The following INTS9 variants were observed in gnomAD, a reference collection of about 807,000 sequenced individuals.
The protein encoded by INTS9 is integrator complex subunit 9, also known as protein related to CPSF subunits of 74 kDa.
Under a neutral mutation model 79.7 loss-of-function variants are expected in INTS9, and 55 were observed. That is an observed-to-expected ratio of 0.69 (90% CI 0.56 to 0.86). INTS9 has a LOEUF of 0.86. Ranked by LOEUF, INTS9 falls within the 40% of genes least tolerant of loss-of-function variation. INTS9 has a pLI of 0.00. For synonymous variants in INTS9, 319 were observed against 325.2 expected (o/e 0.98, Z 0.20); for missense variants, 721 against 831.5 (o/e 0.87, Z 1.64).
intron 6 of INTS9, among the ~76,000 whole-genome samples, chr8:28,815,998 A>T (rs976615544): frequency 2.6e-5 from 4 of 152,190 alleles, no homozygotes; most frequent in Non-Finnish European, 5.9e-5. Context: ...GTGACTTACA[A>T]GGAAAGAAAA....
chr8:28,830,380 T>C (rs914756493), intron 6 of INTS9, among the ~76,000 whole-genome samples: 1 of 152,122 alleles, frequency 6.6e-6, no homozygotes, highest in Non-Finnish European at 1.5e-5. Flanking sequence ...ATGCCTATAA[T>C]CCCAGCACTT....
chr8:28,819,646 A>G (rs1245703289), intron 6 of INTS9, among the ~76,000 whole-genome samples: 1 of 151,968 alleles, frequency 6.6e-6, no homozygotes, highest in Non-Finnish European at 1.5e-5. Context: ...TGGGGTGGAG[A>G]GTTCTGTAGA....
At chr8:28,786,434 G>C (rs1056243766) in intron 11 of INTS9, among the ~76,000 whole-genome samples, 6 of 152,064 alleles carry the variant, frequency 3.9e-5, no homozygotes, top group African/African-American at 1.4e-4. Flanking sequence ...AGAACTACAG[G>C]CATGTGCCAC....
chr8:28,881,114 G>A (rs1424932344), intron 1 of INTS9, among the ~76,000 whole-genome samples: 1 of 149,692 alleles, frequency 6.7e-6, no homozygotes, highest in Non-Finnish European at 1.5e-5. Flanking sequence ...CACCCCGTCC[G>A]GGAGGGAGGT....
At chr8:28,768,592 G>C (rs1298750010) in intron 16 of INTS9, among the ~76,000 whole-genome samples, 3 of 152,220 alleles carry the variant, frequency 2.0e-5, no homozygotes, top group African/African-American at 4.8e-5. Flanking sequence ...ACTGTGTTCA[G>C]GAGTCTGGGA....
At chr8:28,860,749 T>C (rs1483005662) in intron 1 of INTS9, among the ~76,000 whole-genome samples, 1 of 152,218 alleles carries the variant, frequency 6.6e-6, no homozygotes. Flanking sequence ...CCCAAAGTGC[T>C]GGGGTTATAG....
At chr8:28,828,775 C>T (rs535914168) in intron 6 of INTS9, among the ~76,000 whole-genome samples, 8 of 152,060 alleles carry the variant, frequency 5.3e-5, no homozygotes, top group South Asian at 2.1e-4. Context: ...CTCGGCTCAC[C>T]GCAACTTCCA....
At chr8:28,796,250 C>A (rs1804209374) in intron 9 of INTS9, among the ~76,000 whole-genome samples, 1 of 152,156 alleles carries the variant, frequency 6.6e-6, no homozygotes, top group African/African-American at 2.4e-5. Flanking sequence ...ACAGAGGTTG[C>A]AGTAACCCAA....
At chr8:28,873,477 C>T (rs988247774) in intron 1 of INTS9, among the ~76,000 whole-genome samples, 2 of 152,098 alleles carry the variant, frequency 1.3e-5, no homozygotes, top group African/African-American at 4.8e-5. Flanking sequence ...ACAAATGAGA[C>T]ATAAGGTATA....
intron 6 of INTS9, among the ~76,000 whole-genome samples, chr8:28,833,244 T>C (rs1806602147): frequency 6.6e-6 from 1 of 152,088 alleles, no homozygotes; most frequent in South Asian, 2.1e-4. Context: ...TACAAATCAC[T>C]GATCTAGAGG....
chr8:28,801,824 C>T (rs1265954965), intron 8 of INTS9, among the ~76,000 whole-genome samples: 1 of 152,062 alleles, frequency 6.6e-6, no homozygotes, highest in Non-Finnish European at 1.5e-5. Flanking sequence ...TGTTGCCCAG[C>T]CTGGTCTCAA....
chr8:28,884,244 G>A (rs941672572), intron 1 of INTS9, among the ~76,000 whole-genome samples: 4 of 143,376 alleles, frequency 2.8e-5, no homozygotes, highest in African/African-American at 1.0e-4. Flanking sequence ...AGAGTGCAGA[G>A]GTGCAATCAG....
chr8:28,861,756 A>T (rs982884412), intron 1 of INTS9, among the ~76,000 whole-genome samples: 1 of 152,272 alleles, frequency 6.6e-6, no homozygotes, highest in Non-Finnish European at 1.5e-5. Flanking sequence ...AAAAGATTTC[A>T]GCAAAGAAAG....
At chr8:28,879,607 T>G (rs977189214) in intron 1 of INTS9, among the ~76,000 whole-genome samples, 6 of 151,994 alleles carry the variant, frequency 3.9e-5, no homozygotes, top group African/African-American at 1.5e-4. Flanking sequence ...ATGGAGAAAT[T>G]GGAAATGAAA....
At chr8:28,852,677 T>C (rs1247263259) in intron 2 of INTS9, among the ~76,000 whole-genome samples, 2 of 152,238 alleles carry the variant, frequency 1.3e-5, no homozygotes, top group East Asian at 1.9e-4. Flanking sequence ...ATGCAGTTAG[T>C]TGTCCTCAAC....
intron 1 of INTS9, chr8:28,862,159 CCA>C: frequency 1.0e-6 from 1 of 985,406 alleles, no homozygotes; most frequent in Non-Finnish European, 1.2e-6. Flanking sequence ...TTGTGCAATT[CCA>C]GTTTTCTTCC....
At position 28,875,172 on chromosome 8, in the gene INTS9, G is replaced by T. The variant is rs117382103; in HGVS notation, c.9+14702C>A. On this transcript the variant is annotated intron_variant, in intron 1 of 16. Transcript: ENST00000521022. The stretch of plus-strand genomic sequence containing the variant: ...TTATGGGAGCTACAAGATGAGATTT[G>T]CGTGGAGACACAGATCCAACCATAT... 2.5e-4 allele frequency among the ~76,000 whole-genome samples: 38 copies of T among 152,246 alleles called. No individual in the cohort carries two copies. The East Asian group carries it at 7.0e-3, about 28-fold the overall frequency.
At chr8:28,787,211 T>C (rs369391935) in intron 11 of INTS9, among the ~76,000 whole-genome samples, 1 of 152,222 alleles carries the variant, frequency 6.6e-6, no homozygotes, top group East Asian at 1.9e-4. Flanking sequence ...TTCAGCTATA[T>C]AGAAAACACC....
chr8:28,867,413 C>T (rs1177581088), intron 1 of INTS9, among the ~76,000 whole-genome samples: 2 of 150,876 alleles, frequency 1.3e-5, no homozygotes, highest in Non-Finnish European at 3.0e-5. Flanking sequence ...AGTAAGACTC[C>T]GTCTACAAAA....
Sources: gnomAD v4.1 joint callset for allele counts (sites outside exome capture counted in the v4.1 genomes callset) on GRCh38, gnomAD v4.1.1 for gene constraint, MANE v1.5 for transcripts, NCBI Gene and HGNC (gene_info 2026-07-23, HGNC 2026-07-21) for gene names.